The following PRKN variants were observed in gnomAD, a reference collection of about 807,000 sequenced individuals.
PRKN encodes E3 ubiquitin-protein ligase parkin.
In PRKN, 56 loss-of-function variants were observed where a neutral mutation model predicts 59.5. The observed-to-expected ratio is 0.94, with a 90% CI of 0.76 to 1.18. The LOEUF is 1.18. Ranked by LOEUF, PRKN falls within the 50% of genes most tolerant of loss-of-function variation. PRKN has a pLI of 0.00. For synonymous variants in PRKN, 250 were observed against 222.1 expected (o/e 1.13, Z -1.12); for missense variants, 657 against 596.4 (o/e 1.10, Z -1.06).
At chr6:162,703,624 T>C (rs1778236202) in intron 1 of PRKN, among the ~76,000 whole-genome samples, 1 of 152,166 alleles carries the variant, frequency 6.6e-6, no homozygotes, top group African/African-American at 2.4e-5. Context: ...TATTTAATTC[T>C]GGAGATTCCT....
At position 161,538,792 on chromosome 6, in the gene PRKN, T is replaced by C. The variant is rs1043863743; in HGVS notation, c.1083+10062A>G. Among the ~76,000 whole-genome samples, 3 of 152,106 alleles carry C rather than the reference T, an allele frequency of 2.0e-5. No individual in the cohort carries two copies. Among genetic ancestry groups the C allele is most frequent in the African/African-American group, 4.8e-5 (2 of 41,400 alleles). ...TACCTCCCAGGAGCTTGTAGAGAGA[T>C]TTGATTGAATAACTGATCGACTTAG... On this transcript the variant is annotated intron_variant, in intron 9 of 11. Coordinates refer to ENST00000366898, the MANE Select transcript of PRKN (RefSeq NM_004562.3). This position sits in a 1 kb window ranked among gnomAD's most constrained non-coding sequence, Gnocchi z 4.2.
At chr6:162,193,220 T>A (rs1784357793) in intron 4 of PRKN, among the ~76,000 whole-genome samples, 1 of 152,186 alleles carries the variant, frequency 6.6e-6, no homozygotes, top group South Asian at 2.1e-4. Flanking sequence ...ATATGATAAA[T>A]AAAATCTTAA....
intron 4 of PRKN, among the ~76,000 whole-genome samples, chr6:162,127,699 T>C (rs944987149): frequency 2.6e-5 from 4 of 152,206 alleles, no homozygotes; most frequent in Admixed American, 6.6e-5. Flanking sequence ...CCCATTACTT[T>C]GAATAACACA....
At chr6:162,031,167 A>G (rs1406572758) in intron 5 of PRKN, among the ~76,000 whole-genome samples, 3 of 152,112 alleles carry the variant, frequency 2.0e-5, no homozygotes, top group Non-Finnish European at 4.4e-5. Context: ...GAGAAGGACA[A>G]TTCTAGAGTG....
rs111624197 is a variant in PRKN, at chr6:161,646,337, G to A, written c.872-76921C>T. Reference sequence around the variant, plus strand: ...CAGTGACAGTGGTGACTGCGTGTGCGTGCGTGGCGGAGGAGGTGGCGTATG... The same window carrying A: ...CAGTGACAGTGGTGACTGCGTGTGCATGCGTGGCGGAGGAGGTGGCGTATG... On this transcript the variant is annotated intron_variant, in intron 7 of 11. Coordinates refer to ENST00000366898, the MANE Select transcript of PRKN (RefSeq NM_004562.3). Among the ~76,000 whole-genome samples, 24 of 84,662 alleles carry A rather than the reference G, an allele frequency of 2.8e-4. 1 individual carries two copies. The highest frequency in any genetic ancestry group is 1.0e-3 in the South Asian group (2 of 2,000). The allele number at this position is 84,662 out of a possible 152,430, so 55.5% of individuals were successfully genotyped here.
rs956517037 is a variant in PRKN at position 161,475,987 on chromosome 6, C to T, written c.1083+72867G>A. On this transcript the variant is annotated intron_variant, in intron 9 of 11. Transcript: ENST00000366898. This position sits in a 1 kb window ranked among gnomAD's most constrained non-coding sequence, Gnocchi z 5.3. ...GGATCACGAGGTCAGGAGATGGAGACCATCCTGGTTAACACGGTGAAAGCC... is the reference window on the plus strand; with the variant it reads ...GGATCACGAGGTCAGGAGATGGAGATCATCCTGGTTAACACGGTGAAAGCC... Among the ~76,000 whole-genome samples the T allele has an allele frequency of 1.3e-5, 2 of 152,034 alleles. No homozygotes were observed. The highest frequency in any genetic ancestry group is 4.8e-5 in the African/African-American group (2 of 41,476).
Position 161,402,155 on chromosome 6 carries a change from G to A in PRKN, c.1084-15278C>T, listed in dbSNP as rs1395161407. On this transcript the variant is annotated intron_variant, in intron 9 of 11. Coordinates refer to ENST00000366898, the MANE Select transcript of PRKN (RefSeq NM_004562.3). This position sits in a 1 kb window ranked among gnomAD's most constrained non-coding sequence, Gnocchi z 4.5. ...TAAAGGCTCCTCTGGATGCCTGTTG[G>A]CCAAAGATAACTCATGCCTCGGGGG... Among the ~76,000 whole-genome samples, 8 of 152,184 alleles carry A rather than the reference G, an allele frequency of 5.3e-5. No homozygotes were observed. In the East Asian group the frequency reaches 1.5e-3, roughly 29 times the overall value.
chr6:161,499,945 A>G lies in PRKN; in HGVS notation c.1083+48909T>C, dbSNP rs1416298746. On this transcript the variant is annotated intron_variant, in intron 9 of 11. Coordinates refer to ENST00000366898, the MANE Select transcript of PRKN (RefSeq NM_004562.3). The surrounding 1 kb of genome is among the most constrained non-coding windows in gnomAD (Gnocchi z 4.2). ...AAGATTACAGATAAACTGAACACCAAGTTGTCTTCTGAATGCTGCCCTCAC... is the reference window on the plus strand; with the variant it reads ...AAGATTACAGATAAACTGAACACCAGGTTGTCTTCTGAATGCTGCCCTCAC... Among the ~76,000 whole-genome samples the G allele has an allele frequency of 6.6e-6, 1 of 152,202 alleles. No individual in the cohort carries two copies. Among genetic ancestry groups the G allele is most frequent in the African/African-American group, 2.4e-5 (1 of 41,444 alleles).
chr6:161,455,262 C>T (rs1789914841), intron 9 of PRKN, among the ~76,000 whole-genome samples: 1 of 152,172 alleles, frequency 6.6e-6, no homozygotes. Context: ...TGGTCTTGAA[C>T]TCCTGACCTT....
At chr6:161,736,298 C>G (rs974461866) in intron 7 of PRKN, among the ~76,000 whole-genome samples, 3 of 152,194 alleles carry the variant, frequency 2.0e-5, no homozygotes, top group Admixed American at 2.0e-4. Context: ...GCTGTTTATA[C>G]TCTTGGCAAA....
intron 6 of PRKN, among the ~76,000 whole-genome samples, chr6:161,949,198 G>A (rs1392714571): frequency 1.3e-5 from 2 of 152,156 alleles, no homozygotes; most frequent in Non-Finnish European, 2.9e-5. Flanking sequence ...AGCATAAACT[G>A]GTCACTCTGT....
intron 4 of PRKN, among the ~76,000 whole-genome samples, chr6:162,128,009 C>A (rs1188383918): frequency 6.6e-6 from 1 of 152,186 alleles, no homozygotes; most frequent in Non-Finnish European, 1.5e-5. Flanking sequence ...GTTTACTCAA[C>A]TGAGAGGTCA....
chr6:161,509,964 C>T (rs1050722942), intron 9 of PRKN, among the ~76,000 whole-genome samples: 6 of 151,210 alleles, frequency 4.0e-5, no homozygotes, highest in Non-Finnish European at 8.8e-5. Context: ...ATCCATTGTG[C>T]AGCTCAACCC....
chr6:161,988,936 T>C (rs745642097), intron 5 of PRKN, among the ~76,000 whole-genome samples: 1 of 152,230 alleles, frequency 6.6e-6, no homozygotes, highest in Non-Finnish European at 1.5e-5. Flanking sequence ...ATATTTACAA[T>C]GAGCTTTATC....
At chr6:161,986,783 A>G (rs1222432145) in intron 5 of PRKN, among the ~76,000 whole-genome samples, 1 of 108,900 alleles carries the variant, frequency 9.2e-6, no homozygotes, top group Non-Finnish European at 2.0e-5. Context: ...GTGAGAGCGG[A>G]ACAGCCAGAC....
chr6:161,488,149 G>A lies in PRKN; in HGVS notation c.1083+60705C>T, dbSNP rs890876210. On this transcript the variant is annotated intron_variant, in intron 9 of 11. Coordinates refer to ENST00000366898, the MANE Select transcript of PRKN (RefSeq NM_004562.3). This position sits in a 1 kb window ranked among gnomAD's most constrained non-coding sequence, Gnocchi z 4.5. ...AGGCCTCTCCTGGGAGGGGACACCT[G>A]TTTAGAGGGCTAAATGAATGGAGGC... 1.3e-5 allele frequency among the ~76,000 whole-genome samples: 2 copies of A among 152,204 alleles called. No homozygotes were observed. Among genetic ancestry groups the A allele is most frequent in the African/African-American group, 4.8e-5 (2 of 41,454 alleles).
chr6:162,461,182 C>T (rs940612684), intron 1 of PRKN, among the ~76,000 whole-genome samples: 3 of 134,932 alleles, frequency 2.2e-5, no homozygotes, highest in African/African-American at 8.6e-5. Flanking sequence ...CCATGCGTAC[C>T]ACACCAAATG....
intron 1 of PRKN, among the ~76,000 whole-genome samples, chr6:162,591,269 G>C (rs963243731): frequency 4.0e-5 from 6 of 151,786 alleles, no homozygotes; most frequent in African/African-American, 1.5e-4. Context: ...TTTCTTTATA[G>C]GTACATTTTT....
chr6:162,614,758 A>T (rs2846534), intron 1 of PRKN, among the ~76,000 whole-genome samples: 139,381 of 152,168 alleles, frequency 0.92, 63,991 homozygotes, highest in Admixed American at 0.97. Flanking sequence ...ATTGATGAAA[A>T]CTCAAGTCTG....
Sources: gnomAD v4.1 joint callset for allele counts (sites outside exome capture counted in the v4.1 genomes callset) on GRCh38, gnomAD v4.1.1 for gene constraint, Gnocchi (gnomAD v3.1) non-coding constraint, MANE v1.5 for transcripts, NCBI Gene and HGNC (gene_info 2026-07-23, HGNC 2026-07-21) for gene names.